The following TTC7A variants were observed in gnomAD, a reference collection of about 807,000 sequenced individuals.
The protein encoded by TTC7A is tetratricopeptide repeat protein 7A.
Under a neutral mutation model 103.7 loss-of-function variants are expected in TTC7A, and 110 were observed. The ratio of observed to expected loss-of-function variants is 1.06; its 90% CI spans 0.91 to 1.24. The LOEUF (loss-of-function observed/expected upper bound fraction) is 1.24, where lower values mean the gene tolerates loss of function less well. TTC7A is among the 50% of genes most tolerant of loss of function. The pLI, the probability that TTC7A is intolerant of heterozygous loss-of-function variation, is 0.00. For synonymous variants in TTC7A, 521 were observed against 467.9 expected (o/e 1.11, Z -1.47); for missense variants, 1,340 against 1,116.3 (o/e 1.20, Z -2.86).
At chr2:47,006,548 C>T (rs1291161494) in intron 9 of TTC7A, 93 bp from the exon 10 acceptor site, 9 of 1,133,524 alleles carry the variant, frequency 7.9e-6, no homozygotes, top group Non-Finnish European at 1.2e-5. Flanking sequence ...CTCCCAAAAG[C>T]GGTGACTTGG....
chr2:46,938,523 T>A (rs935084726), upstream of TTC7A, among the ~76,000 whole-genome samples: 1 of 152,154 alleles, frequency 6.6e-6, no homozygotes, highest in Non-Finnish European at 1.5e-5. Context: ...GTGAATGGAG[T>A]TACCACATGA....
intron 3 of TTC7A, among the ~76,000 whole-genome samples, chr2:46,966,640 G>A (rs368494924): frequency 2.0e-5 from 3 of 149,890 alleles, no homozygotes; most frequent in African/African-American, 7.4e-5. Context: ...TATCCTTGAA[G>A]CTAAATTTTG....
chr2:47,071,402 T>C (rs1684695320), intron 19 of TTC7A, among the ~76,000 whole-genome samples: 2 of 151,998 alleles, frequency 1.3e-5, no homozygotes, highest in South Asian at 2.1e-4. Flanking sequence ...TCCCAGCTTC[T>C]AGAGAGATCA....
intron 3 of TTC7A, among the ~76,000 whole-genome samples, chr2:46,962,816 G>C (rs1387156240): frequency 6.6e-6 from 1 of 150,770 alleles, no homozygotes; most frequent in Non-Finnish European, 1.5e-5. Context: ...CCCACCCCCT[G>C]ATGGGAGTGG....
intron 2 of TTC7A, among the ~76,000 whole-genome samples, chr2:46,934,957 C>T (rs890225163): frequency 3.3e-5 from 5 of 151,780 alleles, no homozygotes; most frequent in Admixed American, 6.6e-5. Flanking sequence ...CGCACCACCA[C>T]GTCCAGCTAA....
intron 11 of TTC7A, among the ~76,000 whole-genome samples, chr2:47,012,334 T>C (rs13426848): frequency 0.19 from 28,470 of 152,122 alleles, 3,401 homozygotes; most frequent in African/African-American, 0.33. Context: ...GCAAGCGCAT[T>C]CTCCCTCCCA....
intron 2 of TTC7A, among the ~76,000 whole-genome samples, chr2:46,929,473 G>T (rs561451026): frequency 6.6e-6 from 1 of 152,114 alleles, no homozygotes; most frequent in African/African-American, 2.4e-5. Context: ...AACAGAGCAC[G>T]ACCCTGTCTC....
chr2:46,928,586 A>G (rs992605493), intron 2 of TTC7A, among the ~76,000 whole-genome samples: 2 of 152,182 alleles, frequency 1.3e-5, no homozygotes, highest in South Asian at 2.1e-4. Context: ...CCTAGGCAAC[A>G]TGGCAAAACC....
chr2:47,070,683 A>G (rs892679652), intron 19 of TTC7A, among the ~76,000 whole-genome samples: 3 of 152,062 alleles, frequency 2.0e-5, no homozygotes, highest in African/African-American at 7.2e-5. Context: ...GTGGCCACAC[A>G]TCCCCACTCC....
chr2:47,069,874 T>C (rs1684516546), intron 19 of TTC7A, among the ~76,000 whole-genome samples: 1 of 152,170 alleles, frequency 6.6e-6, no homozygotes, highest in Non-Finnish European at 1.5e-5. Flanking sequence ...ACCAGAAGGC[T>C]CCTGCAGCTT....
chr2:46,967,977 C>T (rs1179198284), intron 3 of TTC7A, among the ~76,000 whole-genome samples: 3 of 151,878 alleles, frequency 2.0e-5, no homozygotes, highest in Admixed American at 6.6e-5. Flanking sequence ...CAGCTGTCCT[C>T]GTGCCCTTTG....
chr2:47,011,432 C>A lies in TTC7A; in HGVS notation c.1389C>A (p.Arg463=), dbSNP rs752140781. The change falls in exon 11 of 20, where the codon CGC becomes CGA. Residue 463 remains arginine, a synonymous_variant. Transcript: ENST00000319190. The part of the protein sequence containing the change: ...MAAKVCIGSL[R]WLEEAEHFAM... The stretch of plus-strand genomic sequence containing the variant: ...CGAAGGTCTGCATCGGGTCCCTTCG[C>A]TGGGTGAGTGAGCTGTGAGGGCAGG... The A allele has an allele frequency of 3.1e-6, 5 of 1,604,578 alleles. No homozygotes were observed. Among genetic ancestry groups the A allele is most frequent in the Middle Eastern group, 1.7e-4 (1 of 5,992 alleles).
At chr2:47,005,254 C>G (rs965058462) in intron 8 of TTC7A, among the ~76,000 whole-genome samples, 2 of 152,008 alleles carry the variant, frequency 1.3e-5, no homozygotes, top group Admixed American at 1.3e-4. Context: ...CTGGGAATGT[C>G]GTTGTCAAAG....
intron 2 of TTC7A, among the ~76,000 whole-genome samples, chr2:46,951,060 C>T (rs1180499868): frequency 6.6e-6 from 1 of 152,180 alleles, no homozygotes; most frequent in Non-Finnish European, 1.5e-5. Flanking sequence ...AACCTGTGAC[C>T]TAGTTAGAAA....
chr2:47,073,992 G>T lies in TTC7A; in HGVS notation c.*69G>T. The T allele has an allele frequency of 7.6e-7, 1 of 1,320,922 alleles. No individual in the cohort carries two copies. The highest frequency in any genetic ancestry group is 1.1e-6 in the Non-Finnish European group (1 of 947,678). The allele number at this position is 1,320,922 out of a possible 1,614,324, so 81.8% of individuals were successfully genotyped here. On this transcript the variant is annotated 3_prime_UTR_variant, in exon 20 of 20. Transcript: ENST00000319190. ...GGCAGCAGGGAACGTGGGTCAGGGT[G>T]GGGCAACAGTGGCATCAGGTGCGGG...
At chr2:46,960,439 C>T (rs776552084) in intron 3 of TTC7A, among the ~76,000 whole-genome samples, 15 of 152,182 alleles carry the variant, frequency 9.9e-5, no homozygotes, top group Admixed American at 2.6e-4. Flanking sequence ...CAGACCCATC[C>T]CTCTGGAAGC....
At chr2:47,027,505 G>A (rs1680043288) in intron 14 of TTC7A, among the ~76,000 whole-genome samples, 1 of 152,246 alleles carries the variant, frequency 6.6e-6, no homozygotes, top group Admixed American at 6.5e-5. Flanking sequence ...ATGTACATTA[G>A]CTCTTTGAAC....
At chr2:47,045,850 C>CA (rs1264846112) in intron 15 of TTC7A, among the ~76,000 whole-genome samples, 2 of 152,210 alleles carry the variant, frequency 1.3e-5, no homozygotes, top group Non-Finnish European at 2.9e-5. Flanking sequence ...TACCTTCACT[C>CA]ACGGATTCTA....
chr2:47,046,671 A>G, intron 16 of TTC7A: 1 of 510,250 alleles, frequency 2.0e-6, no homozygotes, highest in Non-Finnish European at 3.5e-6. Flanking sequence ...GGTAAGAAGG[A>G]AGAGAAATCA....
Sources: gnomAD v4.1 joint callset for allele counts (sites outside exome capture counted in the v4.1 genomes callset) on GRCh38, gnomAD v4.1.1 for gene constraint, MANE v1.5 for transcripts, NCBI Gene and HGNC (gene_info 2026-07-23, HGNC 2026-07-21) for gene names.